Variants in RALY observed in about 807,000 individuals in gnomAD.
The protein encoded by RALY is RNA-binding protein Raly.
RALY carries 15 observed loss-of-function variants against 30.7 expected under a neutral mutation model. The observed-to-expected ratio is 0.49, with a 90% CI of 0.33 to 0.75. The LOEUF (loss-of-function observed/expected upper bound fraction) is 0.75, where lower values mean the gene tolerates loss of function less well. Ranked by LOEUF, RALY falls within the 30% of genes least tolerant of loss-of-function variation. The pLI is 0.02. For synonymous variants in RALY, 177 were observed against 170.8 expected (o/e 1.04, Z -0.28); for missense variants, 339 against 414.3 (o/e 0.82, Z 1.58).
In RALY at chr20:34,083,691, G is replaced by A. The variant is rs2034063443; in HGVS notation, c.*3786G>A. On this transcript the variant is annotated 3_prime_UTR_variant, in exon 10 of 10. Transcript: ENST00000246194. Reference sequence around the variant, plus strand: ...TTTCTCTTATGAGCATGGAATTCAAGTGTGGGCACGTGAGCGTCAGGTATT... The same window carrying A: ...TTTCTCTTATGAGCATGGAATTCAAATGTGGGCACGTGAGCGTCAGGTATT... 3 of 152,250 alleles carry A rather than the reference G, an allele frequency of 2.0e-5. No individual in the cohort carries two copies. The highest frequency in any genetic ancestry group is 2.9e-5 in the Non-Finnish European group (2 of 68,068). The allele number at this position is 152,250 out of a possible 1,614,324, so 9.4% of individuals were successfully genotyped here. A position where few individuals can be genotyped will look rare whatever the true frequency, so the allele number is the denominator to read the frequency against.
At chr20:34,056,750 A>T (rs2033256852) in intron 2 of RALY, among the ~76,000 whole-genome samples, 1 of 152,028 alleles carries the variant, frequency 6.6e-6, no homozygotes, top group Non-Finnish European at 1.5e-5. Context: ...TACTCTCCCT[A>T]CCCCACCACC....
intron 1 of RALY, among the ~76,000 whole-genome samples, chr20:34,004,131 T>A (rs1171089260): frequency 1.3e-5 from 2 of 152,174 alleles, no homozygotes; most frequent in East Asian, 1.9e-4. Context: ...AGGGGTACAA[T>A]GATTGGGAAG....
At chr20:34,010,792 C>T (rs1207269287) in intron 1 of RALY, among the ~76,000 whole-genome samples, 1 of 152,158 alleles carries the variant, frequency 6.6e-6, no homozygotes, top group Non-Finnish European at 1.5e-5. Context: ...AAACCTCTTC[C>T]TCTTATAGGT....
Position 34,060,054 on chromosome 20 carries a change from T to C in RALY, c.-9-12012T>C, listed in dbSNP as rs1458989366. On this transcript the variant is annotated intron_variant, in intron 2 of 9. Transcript: ENST00000246194. ...CTTAATAAGTACCTACTCTTGTCTT[T>C]CCTTTTATGTTCAAGGCACATTTCC... 2.0e-5 allele frequency among the ~76,000 whole-genome samples: 3 copies of C among 152,210 alleles called. No individual in the cohort carries two copies. The South Asian group carries it at 6.2e-4, about 31-fold the overall frequency.
intron 1 of RALY, among the ~76,000 whole-genome samples, chr20:34,008,264 T>C (rs775858346): frequency 6.6e-6 from 1 of 152,202 alleles, no homozygotes; most frequent in Non-Finnish European, 1.5e-5. Context: ...AAAGGTGTTA[T>C]TGCTTTTATG....
intron 1 of RALY, among the ~76,000 whole-genome samples, chr20:34,025,191 C>T (rs895247571): frequency 1.3e-5 from 2 of 152,184 alleles, no homozygotes; most frequent in East Asian, 3.8e-4. Context: ...GATTATCTCC[C>T]GTGGCTGCTC....
chr20:34,016,593 A>G (rs1035455755), intron 1 of RALY: 1 of 152,232 alleles, frequency 6.6e-6, no homozygotes, highest in Non-Finnish European at 1.5e-5. Context: ...TTATCTAGAG[A>G]AAGAACTAGA....
intron 1 of RALY, among the ~76,000 whole-genome samples, chr20:33,995,865 C>A (rs1395353325): frequency 6.6e-6 from 1 of 152,188 alleles, no homozygotes; most frequent in Non-Finnish European, 1.5e-5. Context: ...TTATTTCTCC[C>A]ATACCTTGCC....
intron 1 of RALY, chr20:34,015,040 C>T (rs2031552048): frequency 6.6e-6 from 1 of 152,166 alleles, no homozygotes; most frequent in South Asian, 2.1e-4. Flanking sequence ...CTTCTAGAAG[C>T]TGGTAGCATT....
chr20:34,051,102 A>G (rs2033063778), intron 2 of RALY, among the ~76,000 whole-genome samples: 1 of 152,220 alleles, frequency 6.6e-6, no homozygotes, highest in Non-Finnish European at 1.5e-5. Flanking sequence ...TTTATTCATG[A>G]TGTTTCAAAT....
Position 34,077,296 on chromosome 20 carries a change from C to A in RALY, c.876+51C>A, listed in dbSNP as rs778847192. 3.1e-6 allele frequency: 5 copies of A among 1,606,206 alleles called. No homozygotes were observed. In the East Asian group the frequency reaches 6.7e-5, roughly 22 times the overall value. On this transcript the variant is annotated intron_variant, in intron 8 of 9. Transcript: ENST00000246194. ...TGGGACTCGACTGTGCTCCTACTCT[C>A]AGGAGGCCAACAGGGGAATGGGCAG...
intron 1 of RALY, among the ~76,000 whole-genome samples, chr20:34,016,239 G>A (rs2031603806): frequency 6.6e-6 from 1 of 152,208 alleles, no homozygotes; most frequent in South Asian, 2.1e-4. Flanking sequence ...TTTCAGACTA[G>A]TTTTGAAAGG....
At chr20:34,060,448 A>G (rs1290597124) in intron 2 of RALY, among the ~76,000 whole-genome samples, 1 of 152,252 alleles carries the variant, frequency 6.6e-6, no homozygotes. Context: ...GATAAGGAAT[A>G]CTTAACCTGT....
chr20:34,018,243 G>A (rs1386242231), intron 1 of RALY, among the ~76,000 whole-genome samples: 1 of 152,180 alleles, frequency 6.6e-6, no homozygotes, highest in Non-Finnish European at 1.5e-5. Flanking sequence ...CAGCAGGTAG[G>A]GAGGAGAAGA....
chr20:34,005,723 C>T (rs1309569396), intron 1 of RALY, among the ~76,000 whole-genome samples: 1 of 152,148 alleles, frequency 6.6e-6, no homozygotes, highest in Non-Finnish European at 1.5e-5. Flanking sequence ...TTGTATTGAT[C>T]GTGATCATAC....
chr20:34,076,610 C>CT, intron 6 of RALY, 92 bp from the exon 7 acceptor site: 1 of 1,144,430 alleles, frequency 8.7e-7, no homozygotes, highest in Non-Finnish European at 1.3e-6. Context: ...AAAATAACTG[C>CT]TTTCCTGGTT....
chr20:34,026,599 ACGGGGTTTCAC>A (rs1419402287), intron 1 of RALY, among the ~76,000 whole-genome samples: 1 of 149,206 alleles, frequency 6.7e-6, no homozygotes, highest in Non-Finnish European at 1.5e-5. Flanking sequence ...TTTAGTAGAG[ACGGGGTTTCAC>A]CGTGTTAGCC....
At chr20:34,056,194 A>G (rs1368656627) in intron 2 of RALY, among the ~76,000 whole-genome samples, 1 of 152,146 alleles carries the variant, frequency 6.6e-6, no homozygotes, top group African/African-American at 2.4e-5. Flanking sequence ...ACAATACATC[A>G]TATTATTCAT....
At chr20:34,035,618 T>C (rs573073197) in intron 2 of RALY, among the ~76,000 whole-genome samples, 1 of 152,312 alleles carries the variant, frequency 6.6e-6, no homozygotes, top group South Asian at 2.1e-4. Context: ...ACTCCTCCTT[T>C]TTGTTCATTC....
Sources: allele counts gnomAD v4.1 joint callset (sites outside exome capture counted in the v4.1 genomes callset), GRCh38; gene constraint gnomAD v4.1.1; transcripts MANE v1.5; gene names NCBI Gene and HGNC (gene_info 2026-07-23, HGNC 2026-07-21).